Variants in TNRC6A observed in about 807,000 individuals in gnomAD.
TNRC6A encodes trinucleotide repeat-containing gene 6A protein.
Under a neutral mutation model 221.2 loss-of-function variants are expected in TNRC6A, and 44 were observed. That is an observed-to-expected ratio of 0.20 (90% CI 0.16 to 0.26). The LOEUF (loss-of-function observed/expected upper bound fraction) is 0.26. Among genes scored for constraint, TNRC6A ranks in the 10% least tolerant of loss-of-function variants. The probability of loss-of-function intolerance (pLI) is 1.00; values close to 1 mark genes in which losing one functional copy is unlikely to be tolerated. For synonymous variants in TNRC6A, 847 were observed against 838.5 expected, an observed-to-expected ratio of 1.01 and a Z score of -0.18; for missense variants, 2,199 against 2,404.4, an observed-to-expected ratio of 0.91 and a Z score of 1.79.
chr16:24,801,389 G>A (rs571680382), intron 11 of TNRC6A, among the ~76,000 whole-genome samples: 5 of 152,254 alleles, frequency 3.3e-5, no homozygotes, highest in African/African-American at 1.2e-4. Flanking sequence ...TTTGACAGTG[G>A]GGCTCAGGGG....
In TNRC6A at chr16:24,823,835, G is replaced by C. The variant is rs1249311568; in HGVS notation, c.*28G>C. ...GTGTAGATGCAGACTCACCGACCGG[G>C]ACCTCAGACGCGAGGGAAAGGAGCA... On this transcript the variant is annotated 3_prime_UTR_variant, in exon 25 of 25. Transcript: ENST00000395799. This position sits in a 1 kb window ranked among gnomAD's most constrained non-coding sequence, Gnocchi z 4.3. The C allele has an allele frequency of 8.8e-6, 12 of 1,370,828 alleles. No homozygotes were observed. Among genetic ancestry groups the C allele is most frequent in the Non-Finnish European group, 1.1e-5 (12 of 1,057,340 alleles). 84.9% of individuals were successfully genotyped at this position (1,370,828 alleles called of 1,614,324 possible). A position where few individuals can be genotyped will look rare whatever the true frequency, so the allele number is the denominator to read the frequency against.
intron 3 of TNRC6A, among the ~76,000 whole-genome samples, chr16:24,756,726 C>G (rs976833196): frequency 4.6e-5 from 7 of 152,190 alleles, no homozygotes; most frequent in Admixed American, 1.3e-4. Flanking sequence ...CTCCTGGCCT[C>G]AAGCATCTGC....
At chr16:24,784,352 T>C (rs779571635) in intron 5 of TNRC6A, among the ~76,000 whole-genome samples, 7 of 152,182 alleles carry the variant, frequency 4.6e-5, no homozygotes, top group South Asian at 2.1e-4. Flanking sequence ...TGAGAGAGGC[T>C]GTAGCTCTGT....
chr16:24,739,444 G>T (rs1489975018), intron 2 of TNRC6A, among the ~76,000 whole-genome samples: 1 of 149,850 alleles, frequency 6.7e-6, no homozygotes, highest in African/African-American at 2.5e-5. Flanking sequence ...ATGATTTACA[G>T]GTATTTTTTC....
At position 24,641,816 on chromosome 16, in the gene TNRC6A, T is replaced by G. The variant is rs75198053; in HGVS notation, n.402+807T>G. Among the ~76,000 whole-genome samples the G allele has an allele frequency of 2.6e-5, 4 of 152,300 alleles. No individual in the cohort carries two copies. In the East Asian group the frequency reaches 7.7e-4, roughly 29 times the overall value. ...TGAGCATCTACCATGTACCATGCAT[T>G]GGTCTGGGCATTTGGAATACATCAA... On this transcript the variant is annotated intron_variant and non_coding_transcript_variant, in intron 2 of 2. Coordinates refer to the TNRC6A transcript ENST00000566108.
chr16:24,634,444 A>G (rs1260196371), intron 1 of TNRC6A, among the ~76,000 whole-genome samples: 1 of 152,166 alleles, frequency 6.6e-6, no homozygotes, highest in African/African-American at 2.4e-5. Flanking sequence ...AAATAAATAA[A>G]TAAATGCACA....
chr16:24,822,808 C>T lies in TNRC6A; in HGVS notation c.5374-66C>T, dbSNP rs149841802. 5.5e-3 allele frequency: 8,751 copies of T among 1,601,932 alleles called. 34 individuals carry two copies. The highest frequency in any genetic ancestry group is 6.2e-3 in the Non-Finnish European group (7,251 of 1,174,248). On this transcript the variant is annotated intron_variant, in intron 23 of 24. Coordinates refer to ENST00000395799, the MANE Select transcript of TNRC6A (RefSeq NM_014494.4). ...AAGAGAGGAGGGGCAGCAGTGCAGC[C>T]TGAAACAGCCTCCTGGAGGGCCCGC...
At chr16:24,611,302 T>G (rs1687413785) in intron 1 of TNRC6A, among the ~76,000 whole-genome samples, 1 of 152,204 alleles carries the variant, frequency 6.6e-6, no homozygotes, top group Admixed American at 6.6e-5. Flanking sequence ...AAAAAAATTC[T>G]TTTTTCACTA....
At chr16:24,808,374 C>T (rs1394156789) in intron 17 of TNRC6A, among the ~76,000 whole-genome samples, 1 of 152,128 alleles carries the variant, frequency 6.6e-6, no homozygotes, top group African/African-American at 2.4e-5. Flanking sequence ...GGCCTGTTGG[C>T]CAAATTTGGC....
chr16:24,777,469 C>CCTG, intron 5 of TNRC6A, 111 bp downstream of exon 5: 1 of 1,071,196 alleles, frequency 9.3e-7, no homozygotes, highest in South Asian at 1.6e-5. Context: ...AGTATGTGGG[C>CCTG]TTTAATGTAA....
intron 2 of TNRC6A, among the ~76,000 whole-genome samples, chr16:24,669,360 G>A (rs1172261850): frequency 1.3e-5 from 2 of 152,050 alleles, no homozygotes; most frequent in Non-Finnish European, 2.9e-5. Flanking sequence ...GTGGCAGCGT[G>A]CCCCTGTAGT....
rs935254652 is a variant in TNRC6A, at chr16:24,790,858, C to T, written c.2216C>T (p.Ser739Leu). The part of the protein sequence containing the change: ...KQNTAWDTET[S>L]PRGERKTDNG... Reference sequence around the variant, plus strand: ...AATACTGCCTGGGATACAGAAACATCACCTAGAGGGGAACGAAAGACTGAC... The same window carrying T: ...AATACTGCCTGGGATACAGAAACATTACCTAGAGGGGAACGAAAGACTGAC... Residue 739 changes from serine (S) to leucine (L), a missense_variant, in exon 6 of 25, where the codon TCA becomes TTA. Ser to Leu is a moderately radical substitution (Grantham distance 145). This residue lies in a region of TNRC6A where 1,405 missense variants were observed against 1,400.2 expected (regional missense o/e 1.00). Coordinates refer to ENST00000395799, the MANE Select transcript of TNRC6A (RefSeq NM_014494.4). The T allele has an allele frequency of 1.2e-6, 2 of 1,614,020 alleles. No homozygotes were observed. The highest frequency in any genetic ancestry group is 2.7e-5 in the African/African-American group (2 of 74,924).
At chr16:24,744,034 G>T (rs1269308877) in intron 2 of TNRC6A, among the ~76,000 whole-genome samples, 1 of 152,154 alleles carries the variant, frequency 6.6e-6, no homozygotes, top group East Asian at 1.9e-4. Context: ...CTGCATTCTG[G>T]AAGTTTCTTA....
rs2058850849 is a variant in TNRC6A, at chr16:24,825,848, C to G, written c.*2041C>G. On this transcript the variant is annotated 3_prime_UTR_variant, in exon 25 of 25. Transcript: ENST00000395799. Reference sequence around the variant, plus strand: ...CGAGAAACGCCACACCCGGACTGGCCTTTTCTTCCCCCTTCACGGCCCTCG... The same window carrying G: ...CGAGAAACGCCACACCCGGACTGGCGTTTTCTTCCCCCTTCACGGCCCTCG... 1 of 152,690 alleles carries G rather than the reference C, an allele frequency of 6.5e-6. No individual in the cohort carries two copies. The highest frequency in any genetic ancestry group is 1.5e-5 in the Non-Finnish European group (1 of 68,070). 9.5% of individuals were successfully genotyped at this position (152,690 alleles called of 1,614,324 possible).
chr16:24,648,973 G>A (rs1053427552), intron 2 of TNRC6A, among the ~76,000 whole-genome samples: 11 of 151,764 alleles, frequency 7.2e-5, no homozygotes, highest in Admixed American at 2.6e-4. Context: ...TTTCTTAAGC[G>A]TTTCCCTTTT....
chr16:24,692,599 A>G (rs2055778151), intron 2 of TNRC6A, among the ~76,000 whole-genome samples: 1 of 150,590 alleles, frequency 6.6e-6, no homozygotes, highest in Admixed American at 6.7e-5. Context: ...AATAAAATAG[A>G]GGGGATAAAT....
Position 24,826,217 on chromosome 16 carries a change from A to T in TNRC6A, c.*2410A>T, listed in dbSNP as rs2058854950. 2.0e-5 allele frequency: 3 copies of T among 152,392 alleles called. No homozygotes were observed. The highest frequency in any genetic ancestry group is 7.2e-5 in the African/African-American group (3 of 41,422). 9.4% of individuals were successfully genotyped at this position (152,392 alleles called of 1,614,324 possible). ...TGTGGAAATAAAGTGTTTGATTTAA[A>T]ATTTTTTAAAGTGGTTTGGATCTTT... On this transcript the variant is annotated 3_prime_UTR_variant, in exon 25 of 25. Coordinates refer to ENST00000395799, the MANE Select transcript of TNRC6A (RefSeq NM_014494.4).
At chr16:24,767,893 C>T (rs1364988260) in intron 4 of TNRC6A, among the ~76,000 whole-genome samples, 7 of 152,128 alleles carry the variant, frequency 4.6e-5, no homozygotes, top group Non-Finnish European at 1.0e-4. Context: ...TTTTGAGTCA[C>T]AAATGGAAGC....
intron 2 of TNRC6A, among the ~76,000 whole-genome samples, chr16:24,744,514 A>G (rs1205907393): frequency 1.3e-5 from 2 of 152,144 alleles, no homozygotes; most frequent in East Asian, 3.9e-4. Context: ...ATTCATTCAT[A>G]TCAGTATGGA....
Sources: gnomAD v4.1 joint callset for allele counts (sites outside exome capture counted in the v4.1 genomes callset) on GRCh38, gnomAD v4.1.1 for gene constraint, gnomAD v4.1.1 regional missense constraint, Gnocchi (gnomAD v3.1) non-coding constraint, MANE v1.5 for transcripts, NCBI Gene and HGNC (gene_info 2026-07-23, HGNC 2026-07-21) for gene names.